Variants in NOTCH3 observed in about 807,000 individuals in gnomAD.
NOTCH3 encodes notch receptor 3.
A neutral mutation model predicts 213.3 loss-of-function variants in NOTCH3; 86 were observed. The ratio of observed to expected loss-of-function variants is 0.40; its 90% CI spans 0.34 to 0.48. NOTCH3 has a LOEUF of 0.48. Ranked by LOEUF, NOTCH3 falls within the 20% of genes least tolerant of loss-of-function variation. The probability of loss-of-function intolerance (pLI) is 0.57; values close to 1 mark genes in which losing one functional copy is unlikely to be tolerated. For missense variants in NOTCH3, 2,783 were observed against 3,272.6 expected (o/e 0.85, Z 3.65); for synonymous variants, 1,354 against 1,355.9 (o/e 1.00, Z 0.03).
At chr19:15,168,267 A>G (rs1449800954) in intron 28 of NOTCH3, among the ~76,000 whole-genome samples, 1 of 152,132 alleles carries the variant, frequency 6.6e-6, no homozygotes, top group Non-Finnish European at 1.5e-5. Flanking sequence ...CACCCCTTTA[A>G]TACCTCTAAT....
chr19:15,168,801 TC>T (rs746975070), intron 28 of NOTCH3, among the ~76,000 whole-genome samples: 6 of 151,968 alleles, frequency 3.9e-5, no homozygotes, highest in Non-Finnish European at 8.8e-5. Context: ...GCCACTGCAC[TC>T]CAGCTTGGGC....
intron 21 of NOTCH3, 22 bp downstream of exon 21, chr19:15,179,342 C>T: frequency 6.2e-7 from 1 of 1,611,284 alleles, no homozygotes; most frequent in Non-Finnish European, 8.5e-7. Context: ...ATCCTGTCCC[C>T]CCAACCCTGG....
intron 2 of NOTCH3, among the ~76,000 whole-genome samples, chr19:15,196,096 T>C (rs941638333): frequency 3.0e-5 from 4 of 134,156 alleles, no homozygotes; most frequent in Admixed American, 7.6e-5. Flanking sequence ...AAGAGACTCG[T>C]GGGGGGTGGA....
intron 25 of NOTCH3, among the ~76,000 whole-genome samples, chr19:15,171,817 G>A (rs1195862308): frequency 5.9e-5 from 9 of 152,114 alleles, no homozygotes; most frequent in East Asian, 5.8e-4. Flanking sequence ...TTACAGGCAC[G>A]CGCTGCCACG....
intron 2 of NOTCH3, among the ~76,000 whole-genome samples, chr19:15,192,738 A>C (rs2046940260): frequency 6.6e-6 from 1 of 152,186 alleles, no homozygotes; most frequent in African/African-American, 2.4e-5. Flanking sequence ...AACATGGTGT[A>C]ACCCCGTCTC....
chr19:15,188,925 T>C, intron 8 of NOTCH3, 64 bp downstream of exon 8: 1 of 1,510,748 alleles, frequency 6.6e-7, no homozygotes, highest in Non-Finnish European at 9.0e-7. Context: ...CAGCTCCCCA[T>C]CCGCGGGCTT....
Position 15,185,358 on chromosome 19 carries a change from C to T in NOTCH3, c.2195G>A (p.Ser732Asn). The T allele has an allele frequency of 1.2e-6, 2 of 1,612,596 alleles. No individual in the cohort carries two copies. The highest frequency in any genetic ancestry group is 1.7e-6 in the Non-Finnish European group (2 of 1,179,792). Residue 732 changes from serine to asparagine, a missense_variant, in exon 14 of 33, where the codon AGC becomes AAC. Physicochemically the swap from Ser to Asn is conservative, Grantham distance 46 (BLOSUM62 1). Coordinates refer to ENST00000263388, the MANE Select transcript of NOTCH3 (RefSeq NM_000435.3). The surrounding 1 kb of genome is among the most constrained non-coding windows in gnomAD (Gnocchi z 4.2). ...PGWSGPRCSQ[S>N]LARDACESQP... ...GGACTCACAGGCGTCTCGGGCCAGG[C>T]TCTGGCTGCAGCGGGGGCCACTCCA...
In NOTCH3 at chr19:15,181,110, G is replaced by A. The variant is rs764487822; in HGVS notation, c.2845C>T (p.Leu949=). The A allele has an allele frequency of 6.2e-7, 1 of 1,609,956 alleles. No individual in the cohort carries two copies. Among genetic ancestry groups the A allele is most frequent in the Non-Finnish European group, 8.5e-7 (1 of 1,178,826 alleles). ...CVDGVNSFSC[L]CRPGYTGAHC... is the part of the protein sequence containing the mutation. ...GCTCCTGTGTAGCCGGGACGGCACA[G>A]GCAGCTGAACGAGTTCACGCCGTCC... The change falls in exon 18 of 33, where the codon CTG becomes TTG. Residue 949 remains leucine (L), a synonymous_variant. Coordinates refer to ENST00000263388, the MANE Select transcript of NOTCH3 (RefSeq NM_000435.3).
intron 31 of NOTCH3, among the ~76,000 whole-genome samples, chr19:15,162,904 AT>A (rs2046658116): frequency 6.6e-6 from 1 of 151,656 alleles, no homozygotes; most frequent in African/African-American, 2.4e-5. Flanking sequence ...GTTTTTATTT[AT>A]CCATTTATTT....
intron 8 of NOTCH3, among the ~76,000 whole-genome samples, chr19:15,188,598 C>T (rs1282549346): frequency 6.6e-6 from 1 of 151,970 alleles, no homozygotes; most frequent in Non-Finnish European, 1.5e-5. Flanking sequence ...TCTCCCCAGT[C>T]CTCAGACTAA....
chr19:15,181,084 G>A lies in NOTCH3; in HGVS notation c.2871C>T (p.Ala957=). Residue 957 remains alanine (A), a synonymous_variant, in exon 18 of 33, where the codon GCC becomes GCT. Transcript: ENST00000263388. ...SCLCRPGYTG[A]HCQHEADPCL... is the part of the protein sequence containing the mutation. ...AGGGGTCTGCCTCATGTTGGCAGTGGGCTCCTGTGTAGCCGGGACGGCACA... is the reference window on the plus strand; with the variant it reads ...AGGGGTCTGCCTCATGTTGGCAGTGAGCTCCTGTGTAGCCGGGACGGCACA... 6.2e-7 allele frequency: 1 copy of A among 1,609,624 alleles called. No individual in the cohort carries two copies. The highest frequency in any genetic ancestry group is 1.1e-5 in the South Asian group (1 of 90,268).
intron 2 of NOTCH3, among the ~76,000 whole-genome samples, chr19:15,193,781 AAAAAAC>A (rs2046948832): frequency 4.1e-5 from 1 of 24,530 alleles, no homozygotes; most frequent in Non-Finnish European, 1.2e-4. Context: ...AAAAAAAAAC[AAAAAAC>A]AAAAAAAACA....
chr19:15,200,187 C>G (rs2047000949), intron 1 of NOTCH3, among the ~76,000 whole-genome samples: 1 of 137,620 alleles, frequency 7.3e-6, no homozygotes, highest in Non-Finnish European at 1.6e-5. Context: ...CGGGTCCCCG[C>G]GGCCAGAGGA....
rs1568358307 is a variant in NOTCH3, at chr19:15,185,514, T to A, written c.2117A>T (p.His706Leu). 6.2e-7 allele frequency: 1 copy of A among 1,612,938 alleles called. No homozygotes were observed. The highest frequency in any genetic ancestry group is 8.5e-7 in the Non-Finnish European group (1 of 1,179,746). Residue 706 changes from histidine (H) to leucine (L), a missense_variant, in exon 13 of 33, where the codon CAC becomes CTC. This residue lies in a region of NOTCH3 where 861 missense variants were observed against 909.1 expected (regional missense o/e 0.95). Transcript: ENST00000263388. This position sits in a 1 kb window ranked among gnomAD's most constrained non-coding sequence, Gnocchi z 4.2. ...GCCAGGTGCATCATAGCAGATGCCG[T>A]GACTGCAGGGCTCATGGGCACAGGG... Reference protein sequence around the residue: ...SHPCAHEPCSHGICYDAPGGF... With the variant: ...SHPCAHEPCSLGICYDAPGGF...
chr19:15,174,885 T>G (rs2046775002), intron 24 of NOTCH3, among the ~76,000 whole-genome samples: 1 of 152,082 alleles, frequency 6.6e-6, no homozygotes, highest in Non-Finnish European at 1.5e-5. Flanking sequence ...TTGATAATAT[T>G]TTTTTAAATT....
At chr19:15,168,332 T>C (rs1285741654) in intron 28 of NOTCH3, among the ~76,000 whole-genome samples, 1 of 152,176 alleles carries the variant, frequency 6.6e-6, no homozygotes, top group Non-Finnish European at 1.5e-5. Flanking sequence ...CAGGTTTTTT[T>C]ATCTGTCCAC....
At chr19:15,186,625 G>A (rs968986568) in intron 12 of NOTCH3, among the ~76,000 whole-genome samples, 2 of 152,094 alleles carry the variant, frequency 1.3e-5, no homozygotes, top group African/African-American at 4.8e-5. Context: ...CGCTGGTCTC[G>A]AACTCCTGAC....
chr19:15,161,892 T>C (rs892203015), intron 32 of NOTCH3, among the ~76,000 whole-genome samples, 178 bp from the exon 33 acceptor site: 1 of 151,648 alleles, frequency 6.6e-6, no homozygotes, highest in Non-Finnish European at 1.5e-5. Context: ...ACCACATTCA[T>C]CCATCACCTA....
chr19:15,170,566 A>C lies in NOTCH3; in HGVS notation c.4892-13T>G. ...TCCAGCGGCTCCCCTAAGAGCAGGAAGCAGAGGGCGGGGCTTCAGCCGAGG... is the reference window on the plus strand; with the variant it reads ...TCCAGCGGCTCCCCTAAGAGCAGGACGCAGAGGGCGGGGCTTCAGCCGAGG... On this transcript the variant is annotated splice_polypyrimidine_tract_variant and intron_variant, in intron 26 of 32. Transcript: ENST00000263388. The C allele has an allele frequency of 6.2e-7, 1 of 1,607,100 alleles. No individual in the cohort carries two copies. The highest frequency in any genetic ancestry group is 8.5e-7 in the Non-Finnish European group (1 of 1,178,786).
Sources: allele counts gnomAD v4.1 joint callset (sites outside exome capture counted in the v4.1 genomes callset), GRCh38; gene constraint gnomAD v4.1.1; regional missense constraint gnomAD v4.1.1; non-coding constraint Gnocchi (gnomAD v3.1); transcripts MANE v1.5; gene names NCBI Gene and HGNC (gene_info 2026-07-23, HGNC 2026-07-21).